Variants in UBA6 observed in about 807,000 individuals in gnomAD.
UBA6 encodes the protein ubiquitin like modifier activating enzyme 6.
A neutral mutation model predicts 148.3 loss-of-function variants in UBA6; 87 were observed. That is an observed-to-expected ratio of 0.59 (90% confidence interval 0.49 to 0.70). The LOEUF (loss-of-function observed/expected upper bound fraction) is 0.70, where lower values mean the gene tolerates loss of function less well. Ranked by LOEUF, UBA6 falls within the 30% of genes least tolerant of loss-of-function variation. UBA6 has a pLI of 0.00. For missense variants in UBA6, 1,186 were observed against 1,241.2 expected (o/e 0.96, Z 0.67); for synonymous variants, 376 against 401.0 (o/e 0.94, Z 0.75).
At chr4:67,623,366 T>C in intron 30 of UBA6, 144 bp from the exon 31 acceptor site, 1 of 608,396 alleles carries the variant, frequency 1.6e-6, no homozygotes, top group South Asian at 2.2e-5. Flanking sequence ...GGATAATATA[T>C]CTTCTAAAAT....
Position 67,622,827 on chromosome 4 carries a change from T to C in UBA6, c.3023+4A>G. On this transcript the variant is annotated splice_donor_region_variant and intron_variant, in intron 32 of 32. Transcript: ENST00000322244. ...AATCGCTGCATATAATGTTGAATAC[T>C]TACGTTAACTTCAATCTTTTTGCAT... 6.2e-7 allele frequency: 1 copy of C among 1,601,838 alleles called. No individual in the cohort carries two copies. The highest frequency in any genetic ancestry group is 8.5e-7 in the Non-Finnish European group (1 of 1,173,606).
intron 13 of UBA6, among the ~76,000 whole-genome samples, chr4:67,652,572 A>G (rs1244039828): frequency 6.6e-6 from 1 of 152,226 alleles, no homozygotes; most frequent in Non-Finnish European, 1.5e-5. Context: ...CAGATGGCCG[A>G]ATAGGAACAG....
chr4:67,689,166 A>AT (rs1730637541), intron 2 of UBA6, among the ~76,000 whole-genome samples: 1 of 152,132 alleles, frequency 6.6e-6, no homozygotes, highest in South Asian at 2.1e-4. Context: ...GTGTTAGATG[A>AT]TTTTGCCTAA....
At position 67,662,185 on chromosome 4, in the gene UBA6, T is replaced by G. The variant is rs1464358287; in HGVS notation, c.1104+4A>C. The G allele has an allele frequency of 1.2e-6, 2 of 1,613,096 alleles. No homozygotes were observed. The highest frequency in any genetic ancestry group is 1.7e-6 in the Non-Finnish European group (2 of 1,179,478). On this transcript the variant is annotated splice_donor_region_variant and intron_variant, in intron 13 of 32. Coordinates refer to ENST00000322244, the MANE Select transcript of UBA6 (RefSeq NM_018227.6). ...TTCGGACAGCCATAAATTTCAATAGTCACCTTCTCTTCCAAGGTTTCACTT... is the reference window on the plus strand; with the variant it reads ...TTCGGACAGCCATAAATTTCAATAGGCACCTTCTCTTCCAAGGTTTCACTT...
intron 2 of UBA6, among the ~76,000 whole-genome samples, chr4:67,690,374 C>G (rs1322063780): frequency 1.3e-5 from 2 of 151,970 alleles, no homozygotes; most frequent in Non-Finnish European, 2.9e-5. Flanking sequence ...GGAAAGAGGC[C>G]TCATAACACT....
In UBA6 at chr4:67,618,029, G is replaced by GT. The variant is rs1224346367; in HGVS notation, c.*967dup. The GT allele has an allele frequency of 9.7e-6, 1 of 102,814 alleles. No individual in the cohort carries two copies. Among genetic ancestry groups the GT allele is most frequent in the African/African-American group, 3.4e-5 (1 of 29,082 alleles). 6.4% of individuals were successfully genotyped at this position (102,814 alleles called of 1,614,324 possible). A position where few individuals can be genotyped will look rare whatever the true frequency, so the allele number is the denominator to read the frequency against. Reference sequence around the variant, plus strand: ...AATGGGAATGAAATAACATGCTTCTGTTTAAAAAAAAAAAACAAAAAAAAC... The same window carrying GT: ...AATGGGAATGAAATAACATGCTTCTGTTTTAAAAAAAAAAAACAAAAAAAAC... On this transcript the variant is annotated 3_prime_UTR_variant, in exon 33 of 33. Transcript: ENST00000322244.
chr4:67,652,496 C>T (rs895789699), intron 13 of UBA6, among the ~76,000 whole-genome samples: 10 of 152,144 alleles, frequency 6.6e-5, no homozygotes, highest in East Asian at 1.9e-4. Context: ...GAATACAAAA[C>T]GGTACAGCTA....
chr4:67,699,023 A>C (rs912205129), intron 1 of UBA6, among the ~76,000 whole-genome samples: 4 of 152,146 alleles, frequency 2.6e-5, no homozygotes, highest in Non-Finnish European at 5.9e-5. Flanking sequence ...AAAGGAAAAA[A>C]ACTAATCTAA....
At chr4:67,637,647 C>T (rs890652954) in intron 19 of UBA6, among the ~76,000 whole-genome samples, 43 of 152,178 alleles carry the variant, frequency 2.8e-4, no homozygotes, top group Non-Finnish European at 4.7e-4. Flanking sequence ...AGCCCCAACC[C>T]GGTGCTCTCT....
In UBA6 at chr4:67,638,924, A is replaced by G; in HGVS notation, c.1736+19T>C. 1 of 1,560,970 alleles carries G rather than the reference A, an allele frequency of 6.4e-7. No homozygotes were observed. The highest frequency in any genetic ancestry group is 1.2e-5 in the South Asian group (1 of 86,216). On this transcript the variant is annotated intron_variant, in intron 19 of 32. Coordinates refer to ENST00000322244, the MANE Select transcript of UBA6 (RefSeq NM_018227.6). The stretch of plus-strand genomic sequence containing the variant: ...AAACTAAAGACAATTCTGTAGGAAC[A>G]TGAATTTCAAGAACATACCTGTCTA...
At chr4:67,637,801 C>A (rs555588638) in intron 19 of UBA6, among the ~76,000 whole-genome samples, 1 of 152,012 alleles carries the variant, frequency 6.6e-6, no homozygotes, top group Admixed American at 6.5e-5. Flanking sequence ...ACAAACACTG[C>A]GGTAGGCCAC....
At chr4:67,623,055 T>A in intron 31 of UBA6, 80 bp downstream of exon 31, 1 of 1,359,828 alleles carries the variant, frequency 7.4e-7, no homozygotes, top group East Asian at 2.4e-5. Context: ...AATTATAACT[T>A]CCAATAAAAT....
rs1483318350 is a variant in UBA6, at chr4:67,618,064, A to T, written c.*933T>A. ...AAAAAACAAAAAAAACACAAAATTT[A>T]ATACCCTAATTAGGTTTCTGGAAAA... On this transcript the variant is annotated 3_prime_UTR_variant, in exon 33 of 33. Transcript: ENST00000322244. 1 of 147,404 alleles carries T rather than the reference A, an allele frequency of 6.8e-6. No individual in the cohort carries two copies. The highest frequency in any genetic ancestry group is 2.5e-5 in the African/African-American group (1 of 40,504). 9.1% of individuals were successfully genotyped at this position (147,404 alleles called of 1,614,324 possible).
chr4:67,637,063 G>T (rs1427425318), intron 19 of UBA6, among the ~76,000 whole-genome samples: 1 of 149,422 alleles, frequency 6.7e-6, no homozygotes, highest in Non-Finnish European at 1.5e-5. Flanking sequence ...GGGAGGTGAG[G>T]AGCGTCTCTG....
intron 19 of UBA6, among the ~76,000 whole-genome samples, chr4:67,637,638 GC>G (rs1486227991): frequency 6.6e-6 from 1 of 151,784 alleles, no homozygotes; most frequent in African/African-American, 2.4e-5. Context: ...TATGACCTTA[GC>G]CCCAACCCGG....
chr4:67,640,557 T>C (rs191911981), intron 18 of UBA6, among the ~76,000 whole-genome samples: 5 of 152,306 alleles, frequency 3.3e-5, no homozygotes, highest in African/African-American at 4.8e-5. Flanking sequence ...CAAGCAATCC[T>C]CCTGTGTTGG....
intron 19 of UBA6, 23 bp downstream of exon 19, chr4:67,638,920 G>T: frequency 6.5e-7 from 1 of 1,548,358 alleles, no homozygotes; most frequent in South Asian, 1.2e-5. Flanking sequence ...AATTCTGTAG[G>T]AACATGAATT....
chr4:67,658,288 T>C (rs983969462), intron 13 of UBA6, among the ~76,000 whole-genome samples: 1 of 151,950 alleles, frequency 6.6e-6, no homozygotes, highest in Non-Finnish European at 1.5e-5. Flanking sequence ...TGGAACCAAG[T>C]AGGTAGGGTA....
intron 7 of UBA6, among the ~76,000 whole-genome samples, 163 bp downstream of exon 7, chr4:67,673,534 T>C (rs1280200523): frequency 6.6e-6 from 1 of 152,106 alleles, no homozygotes; most frequent in Non-Finnish European, 1.5e-5. Flanking sequence ...ACTTAGATCC[T>C]AGTTTTAAAA....
Sources: allele counts gnomAD v4.1 joint callset (sites outside exome capture counted in the v4.1 genomes callset), GRCh38; gene constraint gnomAD v4.1.1; transcripts MANE v1.5; gene names NCBI Gene and HGNC (gene_info 2026-07-23, HGNC 2026-07-21).